Variants in CNTLN observed in about 807,000 individuals in gnomAD.
The protein encoded by CNTLN is centlein, centrosomal protein.
A neutral mutation model predicts 180.0 loss-of-function variants in CNTLN; 212 were observed. That is an observed-to-expected ratio of 1.18 (90% CI 1.05 to 1.32). The LOEUF (loss-of-function observed/expected upper bound fraction) is 1.32, where lower values mean the gene tolerates loss of function less well. CNTLN is among the 40% of genes most tolerant of loss of function. CNTLN has a pLI of 0.00. For missense variants in CNTLN, 2,095 were observed against 1,610.9 expected (o/e 1.30, Z -5.14); for synonymous variants, 722 against 563.1 (o/e 1.28, Z -3.99).
intron 1 of CNTLN, among the ~76,000 whole-genome samples, chr9:17,136,328 C>T (rs1046923332): frequency 6.6e-6 from 1 of 152,142 alleles, no homozygotes; most frequent in Non-Finnish European, 1.5e-5. Context: ...TGAACAGTAT[C>T]ATCAGTTTAA....
intron 7 of CNTLN, among the ~76,000 whole-genome samples, chr9:17,305,996 T>A (rs1818675605): frequency 6.6e-6 from 1 of 152,128 alleles, no homozygotes; most frequent in South Asian, 2.1e-4. Context: ...GGATATTCAG[T>A]GCAAGACATA....
chr9:17,489,076 G>A (rs999828968), intron 25 of CNTLN, among the ~76,000 whole-genome samples: 2 of 152,000 alleles, frequency 1.3e-5, no homozygotes, highest in Non-Finnish European at 2.9e-5. Flanking sequence ...TTCATTGGTT[G>A]CACTTGAATG....
At chr9:17,271,557 ATATAT>A (rs1419801743) in intron 5 of CNTLN, among the ~76,000 whole-genome samples, 6 of 152,164 alleles carry the variant, frequency 3.9e-5, no homozygotes, top group African/African-American at 9.7e-5. Flanking sequence ...ATTAAAATAC[ATATAT>A]TATATCCACC....
intron 5 of CNTLN, among the ~76,000 whole-genome samples, chr9:17,265,053 C>T (rs551098631): frequency 0.018 from 2,685 of 145,762 alleles, 98 homozygotes; most frequent in African/African-American, 0.067. Context: ...GCCTAATTGC[C>T]CTGGCCAGAA....
At chr9:17,517,400 C>T in the CNTLN span, among the ~76,000 whole-genome samples, 1 of 115,888 alleles carries the variant, frequency 8.6e-6, no homozygotes, top group African/African-American at 3.0e-5. Flanking sequence ...TCAAACAAAA[C>T]AAAAAAAAAA....
At chr9:17,341,644 G>A (rs1217103919) in intron 11 of CNTLN, among the ~76,000 whole-genome samples, 1 of 152,150 alleles carries the variant, frequency 6.6e-6, no homozygotes, top group Non-Finnish European at 1.5e-5. Flanking sequence ...GGTCTGTTCT[G>A]TAGAGAAATA....
At chr9:17,280,947 A>C (rs928910092) in intron 6 of CNTLN, among the ~76,000 whole-genome samples, 2 of 152,178 alleles carry the variant, frequency 1.3e-5, no homozygotes, top group Non-Finnish European at 2.9e-5. Flanking sequence ...TGGACTCAAA[A>C]TTCTAGTAGC....
chr9:17,407,991 G>A (rs201636865), intron 15 of CNTLN, among the ~76,000 whole-genome samples: 10 of 151,868 alleles, frequency 6.6e-5, no homozygotes, highest in African/African-American at 1.7e-4. Context: ...GCCAGGCATC[G>A]TGGTGGGCAC....
intron 19 of CNTLN, among the ~76,000 whole-genome samples, 179 bp downstream of exon 19, chr9:17,457,894 A>G (rs974250541): frequency 2.0e-5 from 3 of 152,022 alleles, no homozygotes; most frequent in Non-Finnish European, 4.4e-5. Flanking sequence ...CTGGTAATCA[A>G]TACTACCATT....
chr9:17,405,044 A>T (rs546489283), intron 15 of CNTLN, among the ~76,000 whole-genome samples: 1 of 151,650 alleles, frequency 6.6e-6, no homozygotes, highest in Admixed American at 6.6e-5. Context: ...AGCCTAAAAC[A>T]ATTATTTTGA....
chr9:17,441,661 T>G (rs894216916), intron 18 of CNTLN, among the ~76,000 whole-genome samples: 44 of 150,866 alleles, frequency 2.9e-4, no homozygotes, highest in African/African-American at 1.0e-3. Flanking sequence ...ACAAAAGAGC[T>G]ATAAGACAGA....
intron 5 of CNTLN, among the ~76,000 whole-genome samples, chr9:17,237,488 AC>A (rs1563910461): frequency 6.6e-6 from 1 of 150,562 alleles, no homozygotes; most frequent in Non-Finnish European, 1.5e-5. Flanking sequence ...GAAAAAAAAA[AC>A]AACACAATTA....
chr9:17,516,980 C>T, the CNTLN span, among the ~76,000 whole-genome samples: 1 of 152,288 alleles, frequency 6.6e-6, no homozygotes, highest in East Asian at 1.9e-4. Context: ...TCCTGGAATG[C>T]AGTGGGCACT....
intron 2 of CNTLN, among the ~76,000 whole-genome samples, chr9:17,225,380 T>A (rs10962916): frequency 0.15 from 23,364 of 152,094 alleles, 2,376 homozygotes; most frequent in Middle Eastern, 0.27. Flanking sequence ...CATCCCCATT[T>A]ATAGTTTTCT....
intron 18 of CNTLN, among the ~76,000 whole-genome samples, chr9:17,430,515 T>C (rs1299258992): frequency 6.6e-6 from 1 of 152,052 alleles, no homozygotes; most frequent in Non-Finnish European, 1.5e-5. Context: ...GTAATTATAA[T>C]ATCCATGATC....
intron 7 of CNTLN, among the ~76,000 whole-genome samples, chr9:17,305,198 C>G (rs112102175): frequency 5.9e-5 from 9 of 152,160 alleles, no homozygotes; most frequent in African/African-American, 1.4e-4. Flanking sequence ...ATCCTTTTAA[C>G]CTTTTTCACT....
intron 4 of CNTLN, 73 bp from the exon 5 acceptor site, chr9:17,236,336 T>C (rs1825138008): frequency 7.9e-6 from 10 of 1,259,050 alleles, no homozygotes; most frequent in Non-Finnish European, 9.7e-6. Flanking sequence ...ATTTGCTGAT[T>C]AGTGCTCACC....
Position 17,235,756 on chromosome 9 carries a change from G to A in CNTLN, c.633G>A (p.Leu211=). The change falls in exon 4 of 26, where the codon TTG becomes TTA. Residue 211 remains leucine (L), a synonymous_variant. Transcript: ENST00000380647. ...NAFLRKEFSD[L]EKKFKDKSQE... is the part of the protein sequence containing the mutation. ...TCTTAAGGAAAGAATTCAGTGACTT[G>A]GAGAAGAAATTTAAAGATAAAAGTC... 1 of 1,603,144 alleles carries A rather than the reference G, an allele frequency of 6.2e-7. No homozygotes were observed. The highest frequency in any genetic ancestry group is 8.5e-7 in the Non-Finnish European group (1 of 1,176,256).
At chr9:17,430,646 ATTCC>A (rs1201170120) in intron 18 of CNTLN, among the ~76,000 whole-genome samples, 8 of 152,016 alleles carry the variant, frequency 5.3e-5, no homozygotes, top group Non-Finnish European at 2.9e-5. Context: ...ACTAGAACTT[ATTCC>A]TTCTATGTAA....
Sources: gnomAD v4.1 joint callset for allele counts (sites outside exome capture counted in the v4.1 genomes callset) on GRCh38, gnomAD v4.1.1 for gene constraint, MANE v1.5 for transcripts, NCBI Gene and HGNC (gene_info 2026-07-23, HGNC 2026-07-21) for gene names.